The following PRKN variants were observed in gnomAD, a reference collection of about 807,000 sequenced individuals.
PRKN encodes the protein E3 ubiquitin-protein ligase parkin.
Under a neutral mutation model 59.5 loss-of-function variants are expected in PRKN, and 56 were observed. The observed-to-expected ratio is 0.94, with a 90% confidence interval of 0.76 to 1.18. PRKN has a LOEUF of 1.18. Among genes scored for constraint, PRKN ranks in the 50% most tolerant of loss-of-function variants. The probability of loss-of-function intolerance (pLI) is 0.00; values close to 1 mark genes in which losing one functional copy is unlikely to be tolerated. For synonymous variants in PRKN, 250 were observed against 222.1 expected, an observed-to-expected ratio of 1.13 and a Z score of -1.12; for missense variants, 657 against 596.4, an observed-to-expected ratio of 1.10 and a Z score of -1.06.
Position 161,369,930 on chromosome 6 carries a change from A to G in PRKN, c.1168-9725T>C, listed in dbSNP as rs1195037441. 1 of 418,348 alleles carries G rather than the reference A, an allele frequency of 2.4e-6. No individual in the cohort carries two copies. The highest frequency in any genetic ancestry group is 1.6e-5 in the South Asian group (1 of 60,788). 25.9% of individuals were successfully genotyped at this position (418,348 alleles called of 1,614,324 possible). ...CAAGAGGAATAACCTCACAAGGGTC[A>G]TCGTGAGTAAGATCAACACACAAAC... is the stretch of plus-strand genomic sequence containing the variant. On this transcript the variant is annotated intron_variant, in intron 10 of 11. Transcript: ENST00000366898. This position sits in a 1 kb window ranked among gnomAD's most constrained non-coding sequence, Gnocchi z 5.8.
At chr6:161,368,685 C>T (rs1442739876) in intron 10 of PRKN, among the ~76,000 whole-genome samples, 3 of 151,512 alleles carry the variant, frequency 2.0e-5, no homozygotes, top group South Asian at 2.1e-4. Flanking sequence ...CCTGCTTCCC[C>T]TGGCACCAGC....
chr6:161,543,187 T>C (rs1779678862), intron 9 of PRKN, among the ~76,000 whole-genome samples: 1 of 152,182 alleles, frequency 6.6e-6, no homozygotes, highest in African/African-American at 2.4e-5. Context: ...CTTTCCTACG[T>C]TAAAGGCTGA....
At chr6:161,876,115 T>C (rs569006571) in intron 6 of PRKN, among the ~76,000 whole-genome samples, 2 of 152,306 alleles carry the variant, frequency 1.3e-5, no homozygotes, top group East Asian at 3.9e-4. Context: ...TCTTATGTCA[T>C]TGCTTTTCCT....
In PRKN at chr6:162,098,393, G is replaced by C. The variant is rs774598578; in HGVS notation, c.535-44219C>G. On this transcript the variant is annotated intron_variant, in intron 4 of 11. Coordinates refer to ENST00000366898, the MANE Select transcript of PRKN (RefSeq NM_004562.3). ...GCTTTGATTAAAAATTAATATAAAT[G>C]AAAGTCCTAGTATTTTATTCCTGCA... Among the ~76,000 whole-genome samples the C allele has an allele frequency of 3.3e-4, 50 of 152,210 alleles. 1 individual carries two copies. Among genetic ancestry groups the C allele is most frequent in the South Asian group, 6.2e-4 (3 of 4,824 alleles).
chr6:162,262,637 C>T lies in PRKN; in HGVS notation c.300G>A (p.Gln100=). The change falls in exon 3 of 12, where the codon CAG becomes CAA. Residue 100 remains glutamine, a synonymous_variant. Transcript: ENST00000366898. ...TGCTGAGGTCCACCCGAGTCAAGCT[C>T]TGGGGCTCCCGCTCACAGCCTCCCG... The part of the protein sequence containing the change: ...NAAGGCEREP[Q]SLTRVDLSSS... The T allele has an allele frequency of 6.2e-7, 1 of 1,613,846 alleles. No individual in the cohort carries two copies. Among genetic ancestry groups the T allele is most frequent in the Admixed American group, 1.7e-5 (1 of 60,000 alleles).
chr6:162,401,299 G>GA lies in PRKN; in HGVS notation c.171+42010dup, dbSNP rs60819605. On this transcript the variant is annotated intron_variant, in intron 2 of 11. Coordinates refer to ENST00000366898, the MANE Select transcript of PRKN (RefSeq NM_004562.3). ...AACTAAAAAGCTAGTTCTTCACTGGGAAAAAAAAAAACCTATGCAGATACT... is the reference window on the plus strand; with the variant it reads ...AACTAAAAAGCTAGTTCTTCACTGGGAAAAAAAAAAAACCTATGCAGATACT... Among the ~76,000 whole-genome samples the GA allele has an allele frequency of 9.7e-3, 1,408 of 144,430 alleles. 15 individuals carry two copies. The highest frequency in any genetic ancestry group is 0.018 in the African/African-American group (717 of 39,670). The allele number at this position is 144,430 out of a possible 152,430, so 94.8% of individuals were successfully genotyped here. A position where few individuals can be genotyped will look rare whatever the true frequency, so the allele number is the denominator to read the frequency against.
chr6:162,573,873 C>T (rs1029644765), intron 1 of PRKN, among the ~76,000 whole-genome samples: 3 of 152,080 alleles, frequency 2.0e-5, no homozygotes, highest in African/African-American at 4.8e-5. Flanking sequence ...AATTAACAAG[C>T]GTGAGGCCTG....
rs570052455 is a variant in PRKN at position 161,516,760 on chromosome 6, C to T, written c.1083+32094G>A. ...GAGAATTGCTGAAACCTGGGCAGTG[C>T]GGGTTGCAGTGAGCCAAGATCGCAC... On this transcript the variant is annotated intron_variant, in intron 9 of 11. Transcript: ENST00000366898. 2.8e-3 allele frequency among the ~76,000 whole-genome samples: 332 copies of T among 118,968 alleles called. 1 individual carries two copies. Among genetic ancestry groups the T allele is most frequent in the African/African-American group, 0.01 (320 of 31,352 alleles). The allele number at this position is 118,968 out of a possible 152,430, so 78.0% of individuals were successfully genotyped here. A position where few individuals can be genotyped will look rare whatever the true frequency, so the allele number is the denominator to read the frequency against.
intron 1 of PRKN, among the ~76,000 whole-genome samples, chr6:162,654,470 C>T (rs992760017): frequency 1.2e-4 from 19 of 152,278 alleles, no homozygotes; most frequent in Admixed American, 1.1e-3. Context: ...ATTTGTGCCA[C>T]ACACATTCAA....
intron 5 of PRKN, among the ~76,000 whole-genome samples, chr6:161,980,116 T>C (rs1053579318): frequency 6.6e-6 from 1 of 152,186 alleles, no homozygotes; most frequent in Non-Finnish European, 1.5e-5. Context: ...TCTGAAAAAA[T>C]CATTAGCAGT....
Position 161,593,246 on chromosome 6 carries a change from C to T in PRKN, c.872-23830G>A, listed in dbSNP as rs911214746. Among the ~76,000 whole-genome samples the T allele has an allele frequency of 3.9e-5, 6 of 152,160 alleles. No individual in the cohort carries two copies. The highest frequency in any genetic ancestry group is 2.1e-4 in the South Asian group (1 of 4,824). Reference sequence around the variant, plus strand: ...ATCCCAGGAGCTGTTCCGAGTGCTTCGCATGGATCACCTCCTTAGTCCTTA... The same window carrying T: ...ATCCCAGGAGCTGTTCCGAGTGCTTTGCATGGATCACCTCCTTAGTCCTTA... On this transcript the variant is annotated intron_variant, in intron 7 of 11. Coordinates refer to ENST00000366898, the MANE Select transcript of PRKN (RefSeq NM_004562.3). The surrounding 1 kb of genome is among the most constrained non-coding windows in gnomAD (Gnocchi z 4.8).
At chr6:162,405,691 G>A (rs549186985) in intron 2 of PRKN, among the ~76,000 whole-genome samples, 1 of 152,250 alleles carries the variant, frequency 6.6e-6, no homozygotes, top group Non-Finnish European at 1.5e-5. Flanking sequence ...AGGAAGGCAA[G>A]ATTAGGACAG....
chr6:161,419,579 G>A lies in PRKN; in HGVS notation c.1084-32702C>T, dbSNP rs770861025. ...ATTTTTGTATTTTTTTAAAAAACGGGGTTTCACCATGTTGACCAGGCTGGT... is the reference window on the plus strand; with the variant it reads ...ATTTTTGTATTTTTTTAAAAAACGGAGTTTCACCATGTTGACCAGGCTGGT... On this transcript the variant is annotated intron_variant, in intron 9 of 11. Transcript: ENST00000366898. The surrounding 1 kb of genome is among the most constrained non-coding windows in gnomAD (Gnocchi z 4.1). Among the ~76,000 whole-genome samples the A allele has an allele frequency of 1.8e-4, 27 of 151,636 alleles. No individual in the cohort carries two copies. Among genetic ancestry groups the A allele is most frequent in the Non-Finnish European group, 3.7e-4 (25 of 67,966 alleles).
chr6:161,374,046 G>T (rs1178184829), intron 10 of PRKN, among the ~76,000 whole-genome samples: 1 of 152,102 alleles, frequency 6.6e-6, no homozygotes, highest in Non-Finnish European at 1.5e-5. Context: ...AGGGTTTAGC[G>T]CCATCTGGTG....
chr6:162,322,279 T>C (rs1406293185), intron 2 of PRKN, among the ~76,000 whole-genome samples: 8 of 151,956 alleles, frequency 5.3e-5, no homozygotes, highest in African/African-American at 1.7e-4. Flanking sequence ...GTATAAAACA[T>C]TGCTGAGTGA....
At chr6:162,482,379 G>A (rs373156785) in intron 1 of PRKN, among the ~76,000 whole-genome samples, 1 of 152,112 alleles carries the variant, frequency 6.6e-6, no homozygotes, top group East Asian at 1.9e-4. Flanking sequence ...AAGTGCACTT[G>A]AAGAAATTCC....
rs111729102 is a variant in PRKN, at chr6:162,239,022, A to G, written c.412+23503T>C. 1.6e-3 allele frequency among the ~76,000 whole-genome samples: 246 copies of G among 152,340 alleles called. 7 individuals are homozygous for G. Among genetic ancestry groups the G allele is most frequent in the African/African-American group, 5.6e-3 (232 of 41,588 alleles). ...CACAAAATGAAGCGCACAAGTATCC[A>G]ACAAATGACCAGAGAAAACGCTAGC... is the stretch of plus-strand genomic sequence containing the variant. On this transcript the variant is annotated intron_variant, in intron 3 of 11. Transcript: ENST00000366898.
At chr6:162,468,078 T>C (rs1259702946) in intron 1 of PRKN, among the ~76,000 whole-genome samples, 3 of 152,216 alleles carry the variant, frequency 2.0e-5, no homozygotes, top group African/African-American at 7.2e-5. Flanking sequence ...CACCACTTTG[T>C]TAACTTACTC....
At position 162,393,155 on chromosome 6, in the gene PRKN, C is replaced by CTTTTTTTTTTTTTTTTTTTTTTTT. The variant is rs1177332315; in HGVS notation, c.171+50154_171+50155insAAAAAAAAAAAAAAAAAAAAAAAA. ...TGATACTGGGTGAGGATAGGAGATT[C>CTTTTTTTTTTTTTTTTTTTTTTTT]TTTTTTTTTTTTTTTTTTTTTTGAG... On this transcript the variant is annotated intron_variant, in intron 2 of 11. Coordinates refer to ENST00000366898, the MANE Select transcript of PRKN (RefSeq NM_004562.3). 4.2e-4 allele frequency among the ~76,000 whole-genome samples: 34 copies of CTTTTTTTTTTTTTTTTTTTTTTTT among 80,168 alleles called. 6 individuals are homozygous for CTTTTTTTTTTTTTTTTTTTTTTTT. Among genetic ancestry groups the CTTTTTTTTTTTTTTTTTTTTTTTT allele is most frequent in the East Asian group, 5.9e-4 (1 of 1,682 alleles). 52.6% of individuals were successfully genotyped at this position (80,168 alleles called of 152,430 possible).
Sources: allele counts gnomAD v4.1 joint callset (sites outside exome capture counted in the v4.1 genomes callset), GRCh38; gene constraint gnomAD v4.1.1; non-coding constraint Gnocchi (gnomAD v3.1); transcripts MANE v1.5; gene names NCBI Gene and HGNC (gene_info 2026-07-23, HGNC 2026-07-21).